RRP36: variants seen among roughly 807,000 people sequenced by gnomAD.
RRP36 encodes the protein ribosomal RNA processing protein 36 homolog.
In RRP36, 44 loss-of-function variants were observed where a neutral mutation model predicts 39.8. The observed-to-expected ratio is 1.10, with a 90% confidence interval of 0.87 to 1.42. RRP36 has a LOEUF of 1.42. RRP36 is among the 40% of genes most tolerant of loss of function. The probability of loss-of-function intolerance (pLI) is 0.00; values close to 1 mark genes in which losing one functional copy is unlikely to be tolerated. For synonymous variants in RRP36, 124 were observed against 123.1 expected (o/e 1.01, Z -0.05); for missense variants, 316 against 322.4 (o/e 0.98, Z 0.15).
At chr6:43,022,111 A>T (rs1762727789) in intron 1 of RRP36, among the ~76,000 whole-genome samples, 1 of 147,640 alleles carries the variant, frequency 6.8e-6, no homozygotes, top group South Asian at 2.1e-4. Flanking sequence ...TGTTTTTTTA[A>T]TTTTTTTTTT....
At chr6:43,027,830 C>T (rs1191628823) in intron 6 of RRP36, among the ~76,000 whole-genome samples, 2 of 142,298 alleles carry the variant, frequency 1.4e-5, no homozygotes, top group Admixed American at 7.3e-5. Context: ...TCTTGGTCTA[C>T]ACACACACAC....
chr6:43,021,669 C>G lies in RRP36; in HGVS notation c.15C>G (p.Asn5Lys). MPGA[N>K]YRAGAGAGAG... ...ACTGCCAGCTGATGCCGGGAGCTAA[C>G]TACCGCGCCGGGGCCGGGGCCGGGG... Residue 5 changes from asparagine to lysine, a missense_variant, in exon 1 of 7, where the codon AAC becomes AAG. Asn to Lys is a moderately conservative substitution (Grantham distance 94). Transcript: ENST00000244496. The G allele has an allele frequency of 7.9e-7, 1 of 1,261,104 alleles. No homozygotes were observed. Among genetic ancestry groups the G allele is most frequent in the Non-Finnish European group, 9.9e-7 (1 of 1,007,646 alleles). The allele number at this position is 1,261,104 out of a possible 1,614,324, so 78.1% of individuals were successfully genotyped here.
In RRP36 at chr6:43,021,894, C is replaced by G. The variant is rs191596121; in HGVS notation, c.130+110C>G. On this transcript the variant is annotated intron_variant, in intron 1 of 6. Transcript: ENST00000244496. ...ACTGCCAAGTTCTCTAAGAGGCAGA[C>G]GCTACACTAGGGGTGCCCCCAGTGC... The G allele has an allele frequency of 2.8e-5, 23 of 823,100 alleles. No individual in the cohort carries two copies. In the African/African-American group the frequency reaches 4.1e-4, roughly 15 times the overall value. 51.0% of individuals were successfully genotyped at this position (823,100 alleles called of 1,614,324 possible).
At chr6:43,029,008 ATGGCT>A in intron 6 of RRP36, 79 bp from the exon 7 acceptor site, 1 of 1,556,746 alleles carries the variant, frequency 6.4e-7, no homozygotes, top group Non-Finnish European at 8.8e-7. Flanking sequence ...ATCCAGCATA[ATGGCT>A]TGGAGTTACT....
chr6:43,029,072 T>C lies in RRP36; in HGVS notation c.644-20T>C, dbSNP rs1208646517. Reference sequence around the variant, plus strand: ...GGCTTCCTTCTTTGTTCACCAACTTTCATTCTCCCTGTCATTTAGCTGAGC... The same window carrying C: ...GGCTTCCTTCTTTGTTCACCAACTTCCATTCTCCCTGTCATTTAGCTGAGC... On this transcript the variant is annotated intron_variant, in intron 6 of 6. Coordinates refer to ENST00000244496, the MANE Select transcript of RRP36 (RefSeq NM_033112.4). 2 of 1,613,062 alleles carry C rather than the reference T, an allele frequency of 1.2e-6. No homozygotes were observed. Among genetic ancestry groups the C allele is most frequent in the South Asian group, 2.2e-5 (2 of 91,046 alleles).
chr6:43,022,591 A>G (rs887698231), intron 1 of RRP36, among the ~76,000 whole-genome samples: 3 of 110,418 alleles, frequency 2.7e-5, no homozygotes, highest in East Asian at 5.6e-4. Context: ...GGGTTTGTTT[A>G]TTTATTTATT....
chr6:43,029,412 T>C lies in RRP36; in HGVS notation c.*184T>C, dbSNP rs1375998240. The C allele has an allele frequency of 5.2e-6, 3 of 578,230 alleles. No homozygotes were observed. Among genetic ancestry groups the C allele is most frequent in the Non-Finnish European group, 8.7e-6 (3 of 345,758 alleles). 35.8% of individuals were successfully genotyped at this position (578,230 alleles called of 1,614,324 possible). ...GCTACACAAGAATAGTTCAGCCTTCTGCCATGCCACACAGCCTCAGCTTGA... is the reference window on the plus strand; with the variant it reads ...GCTACACAAGAATAGTTCAGCCTTCCGCCATGCCACACAGCCTCAGCTTGA... On this transcript the variant is annotated 3_prime_UTR_variant, in exon 7 of 7. Coordinates refer to ENST00000244496, the MANE Select transcript of RRP36 (RefSeq NM_033112.4).
At chr6:43,028,174 T>C (rs531271624) in intron 6 of RRP36, among the ~76,000 whole-genome samples, 11 of 146,864 alleles carry the variant, frequency 7.5e-5, no homozygotes, top group African/African-American at 2.8e-4. Context: ...ACTAAAGATA[T>C]AAAAAAATTA....
intron 1 of RRP36, among the ~76,000 whole-genome samples, chr6:43,024,783 C>T (rs1310000485): frequency 6.6e-6 from 1 of 152,158 alleles, no homozygotes; most frequent in Non-Finnish European, 1.5e-5. Flanking sequence ...ACATATACAC[C>T]TTCCTTAGCA....
At chr6:43,022,417 A>G (rs1193355228) in intron 1 of RRP36, among the ~76,000 whole-genome samples, 4 of 151,006 alleles carry the variant, frequency 2.6e-5, no homozygotes, top group Non-Finnish European at 5.9e-5. Flanking sequence ...AATTTTTTAT[A>G]TTTTTTATTT....
chr6:43,028,317 G>A (rs1460414519), intron 6 of RRP36, among the ~76,000 whole-genome samples: 1 of 151,154 alleles, frequency 6.6e-6, no homozygotes, highest in East Asian at 2.0e-4. Context: ...GCAACAGCGT[G>A]AGACTCCATC....
At chr6:43,027,873 T>TACAC (rs748576166) in intron 6 of RRP36, among the ~76,000 whole-genome samples, 1 of 146,500 alleles carries the variant, frequency 6.8e-6, no homozygotes, top group Non-Finnish European at 1.5e-5. Context: ...TGGTCTATAC[T>TACAC]ACACACACAC....
chr6:43,027,772 C>A (rs1762843282), intron 6 of RRP36, among the ~76,000 whole-genome samples: 4 of 129,256 alleles, frequency 3.1e-5, no homozygotes, highest in African/African-American at 1.2e-4. Flanking sequence ...TACACACACA[C>A]ACACACACAC....
rs946641583 is a variant in RRP36 at position 43,029,485 on chromosome 6, C to T, written c.*257C>T. Reference sequence around the variant, plus strand: ...GTTCTTCTCTCATCCTTGCCTTAAACCAGGGATTCTGATACCGAAGAAGAG... The same window carrying T: ...GTTCTTCTCTCATCCTTGCCTTAAATCAGGGATTCTGATACCGAAGAAGAG... On this transcript the variant is annotated 3_prime_UTR_variant, in exon 7 of 7. Coordinates refer to ENST00000244496, the MANE Select transcript of RRP36 (RefSeq NM_033112.4). 3 of 368,024 alleles carry T rather than the reference C, an allele frequency of 8.2e-6. No homozygotes were observed. The highest frequency in any genetic ancestry group is 1.5e-5 in the Non-Finnish European group (3 of 205,576). The allele number at this position is 368,024 out of a possible 1,614,324, so 22.8% of individuals were successfully genotyped here.
chr6:43,029,292 G>A lies in RRP36; in HGVS notation c.*64G>A. The A allele has an allele frequency of 6.3e-7, 1 of 1,585,810 alleles. No homozygotes were observed. The highest frequency in any genetic ancestry group is 8.6e-7 in the Non-Finnish European group (1 of 1,160,340). The stretch of plus-strand genomic sequence containing the variant: ...ACATGGATCTGTGAGGACAGATTTG[G>A]CCACGGCTGGTTTCCGTTCAAGGGC... On this transcript the variant is annotated 3_prime_UTR_variant, in exon 7 of 7. Coordinates refer to ENST00000244496, the MANE Select transcript of RRP36 (RefSeq NM_033112.4).
At chr6:43,026,004 T>G in intron 3 of RRP36, 33 bp from the exon 4 acceptor site, 1 of 1,495,130 alleles carries the variant, frequency 6.7e-7, no homozygotes, top group Non-Finnish European at 9.3e-7. Flanking sequence ...GATTGAACAG[T>G]TGTGTTTTAT....
At chr6:43,025,914 CAG>C (rs1033303330) in intron 3 of RRP36, 121 bp from the exon 4 acceptor site, 9 of 611,338 alleles carry the variant, frequency 1.5e-5, no homozygotes, top group Middle Eastern at 3.4e-4. Context: ...GCCTGGGCGA[CAG>C]AGCGAGACTG....
rs1400865037 is a variant in RRP36, at chr6:43,021,766, G to C, written c.112G>C (p.Ala38Pro). Residue 38 changes from alanine (A) to proline (P), a missense_variant, in exon 1 of 7, where the codon GCC (alanine) becomes CCC (proline). Physicochemically the swap from Ala to Pro is conservative, Grantham distance 27. Coordinates refer to ENST00000244496, the MANE Select transcript of RRP36 (RefSeq NM_033112.4). ...CGGGGGCCTGGAGCCCGCGGCCGTG[G>C]CCCGCGACCTATTGAGGGGTGAGGG... ...DGGGLEPAAV[A>P]RDLLRGTSNM... 1.3e-5 allele frequency: 14 copies of C among 1,099,746 alleles called. No individual in the cohort carries two copies. The highest frequency in any genetic ancestry group is 7.8e-4 in the Middle Eastern group (2 of 2,566). The allele number at this position is 1,099,746 out of a possible 1,614,324, so 68.1% of individuals were successfully genotyped here.
intron 6 of RRP36, among the ~76,000 whole-genome samples, chr6:43,028,130 A>C (rs1762852126): frequency 6.6e-6 from 1 of 152,084 alleles, no homozygotes; most frequent in African/African-American, 2.4e-5. Flanking sequence ...GTTCGAGACC[A>C]GCCTGGGGGC....
Sources: allele counts gnomAD v4.1 joint callset (sites outside exome capture counted in the v4.1 genomes callset), GRCh38; gene constraint gnomAD v4.1.1; transcripts MANE v1.5; gene names NCBI Gene and HGNC (gene_info 2026-07-23, HGNC 2026-07-21).